The following TTC28 variants were observed in gnomAD, a reference collection of about 807,000 sequenced individuals.
TTC28 encodes the protein tetratricopeptide repeat domain 28.
In TTC28, 61 loss-of-function variants were observed where a neutral mutation model predicts 198.0. That is an observed-to-expected ratio of 0.31 (90% CI 0.25 to 0.38). The LOEUF (loss-of-function observed/expected upper bound fraction) is 0.38, where lower values mean the gene tolerates loss of function less well. Among genes scored for constraint, TTC28 ranks in the 10% least tolerant of loss-of-function variants. The pLI, the probability that TTC28 is intolerant of heterozygous loss-of-function variation, is 1.00. For synonymous variants in TTC28, 1,171 were observed against 1,297.8 expected, an observed-to-expected ratio of 0.90 and a Z score of 2.10; for missense variants, 2,678 against 3,164.0, an observed-to-expected ratio of 0.85 and a Z score of 3.69.
At chr22:28,294,856 C>T (rs971780777) in intron 5 of TTC28, among the ~76,000 whole-genome samples, 1 of 152,104 alleles carries the variant, frequency 6.6e-6, no homozygotes, top group African/African-American at 2.4e-5. Context: ...CGTGAGCCAC[C>T]GTGCCTGGCC....
At chr22:28,556,911 G>A (rs1008659162) in intron 2 of TTC28, among the ~76,000 whole-genome samples, 2 of 152,196 alleles carry the variant, frequency 1.3e-5, no homozygotes, top group African/African-American at 4.8e-5. Context: ...ACAACATGGT[G>A]ATTGGCTTCA....
In TTC28 at chr22:27,980,949, A is replaced by C. The variant is rs1936990871; in HGVS notation, c.*1272T>G. 6.6e-6 allele frequency: 1 copy of C among 152,316 alleles called. No homozygotes were observed. Among genetic ancestry groups the C allele is most frequent in the African/African-American group, 2.4e-5 (1 of 41,450 alleles). 9.4% of individuals were successfully genotyped at this position (152,316 alleles called of 1,614,324 possible). ...CCATAATCCAGGCATACGTCCCAGC[A>C]AAAGGCCCTGTTGCTTAGGATCTGT... On this transcript the variant is annotated 3_prime_UTR_variant, in exon 23 of 23. Coordinates refer to ENST00000397906, the MANE Select transcript of TTC28 (RefSeq NM_001145418.2).
intron 2 of TTC28, among the ~76,000 whole-genome samples, chr22:28,452,188 G>C (rs894386232): frequency 6.6e-6 from 1 of 151,998 alleles, no homozygotes; most frequent in African/African-American, 2.4e-5. Flanking sequence ...AGGAGATCCA[G>C]ACCATCCTGG....
At chr22:28,502,448 G>T (rs557434303) in intron 2 of TTC28, among the ~76,000 whole-genome samples, 1 of 151,278 alleles carries the variant, frequency 6.6e-6, no homozygotes, top group South Asian at 2.1e-4. Flanking sequence ...AGACCATCCT[G>T]GCTAACACGG....
chr22:28,592,819 T>C (rs188174739), intron 2 of TTC28, among the ~76,000 whole-genome samples: 12 of 152,310 alleles, frequency 7.9e-5, no homozygotes, highest in Admixed American at 3.3e-4. Context: ...CCTACCCTTT[T>C]CTTAGAGCAC....
At chr22:28,332,854 C>T (rs1205012576) in intron 2 of TTC28, among the ~76,000 whole-genome samples, 1 of 152,052 alleles carries the variant, frequency 6.6e-6, no homozygotes, top group Non-Finnish European at 1.5e-5. Context: ...GGTCAATAAG[C>T]TCTGAACCTT....
intron 5 of TTC28, among the ~76,000 whole-genome samples, chr22:28,256,777 T>C (rs1350779437): frequency 6.6e-6 from 1 of 152,196 alleles, no homozygotes; most frequent in African/African-American, 2.4e-5. Context: ...TAATGGCCCA[T>C]GCCGTAATCT....
intron 2 of TTC28, among the ~76,000 whole-genome samples, chr22:28,584,785 G>C (rs1050841397): frequency 2.0e-5 from 3 of 152,126 alleles, no homozygotes; most frequent in African/African-American, 7.2e-5. Flanking sequence ...TTAGAAACCT[G>C]TTTACATTTA....
rs542535054 is a variant in TTC28 at position 28,439,991 on chromosome 22, C to A, written c.382-133348G>T. 2.0e-5 allele frequency among the ~76,000 whole-genome samples: 3 copies of A among 152,114 alleles called. No homozygotes were observed. In the East Asian group the frequency reaches 5.8e-4, roughly 29 times the overall value. ...GCTGGGATTACAGGCACCGTCACTA[C>A]GACTGGCTAATTTTTTGTATGTTTA... On this transcript the variant is annotated intron_variant, in intron 2 of 22. Transcript: ENST00000397906.
intron 2 of TTC28, among the ~76,000 whole-genome samples, chr22:28,599,024 CA>C (rs2050593109): frequency 6.6e-6 from 1 of 152,094 alleles, no homozygotes; most frequent in Non-Finnish European, 1.5e-5. Flanking sequence ...ACATCAAAAT[CA>C]AGAATAAAAC....
At position 28,590,061 on chromosome 22, in the gene TTC28, A is replaced by AAAAAAAAAAAAAC. The variant is rs1555898135; in HGVS notation, c.381+39490_381+39491insGTTTTTTTTTTTT. On this transcript the variant is annotated intron_variant, in intron 2 of 22. Coordinates refer to ENST00000397906, the MANE Select transcript of TTC28 (RefSeq NM_001145418.2). Reference sequence around the variant, plus strand: ...AAAAAAAAAAAAAAAAAAAAAAAAAAACACAGAAAACCTGAAACTATAACT... The same window carrying AAAAAAAAAAAAAC: ...AAAAAAAAAAAAAAAAAAAAAAAAAAAAAAAAAAAAAACACACAGAAAACCTGAAACTATAACT... Among the ~76,000 whole-genome samples, 43 of 142,368 alleles carry AAAAAAAAAAAAAC rather than the reference A, an allele frequency of 3.0e-4. 1 individual carries two copies. Among genetic ancestry groups the AAAAAAAAAAAAAC allele is most frequent in the Non-Finnish European group, 6.1e-4 (39 of 64,156 alleles). The allele number at this position is 142,368 out of a possible 152,430, so 93.4% of individuals were successfully genotyped here. A position where few individuals can be genotyped will look rare whatever the true frequency, so the allele number is the denominator to read the frequency against.
intron 2 of TTC28, among the ~76,000 whole-genome samples, chr22:28,498,580 G>A (rs928287736): frequency 5.9e-5 from 9 of 152,056 alleles, no homozygotes; most frequent in Non-Finnish European, 1.3e-4. Flanking sequence ...TCACCGAAAG[G>A]GGCTCCCTTG....
chr22:28,077,386 G>A (rs1941203092), intron 12 of TTC28, among the ~76,000 whole-genome samples: 1 of 152,136 alleles, frequency 6.6e-6, no homozygotes, highest in Admixed American at 6.6e-5. Flanking sequence ...AAACTCCTGG[G>A]CTCAAGTGAT....
intron 2 of TTC28, among the ~76,000 whole-genome samples, chr22:28,496,946 T>C (rs142919630): frequency 2.6e-5 from 4 of 152,144 alleles, no homozygotes; most frequent in Non-Finnish European, 5.9e-5. Context: ...ATTGCACTTA[T>C]GAATCCCACT....
intron 12 of TTC28, among the ~76,000 whole-genome samples, chr22:28,050,661 C>T (rs1940054083): frequency 6.6e-6 from 1 of 152,018 alleles, no homozygotes. Flanking sequence ...ATTTTTGTTT[C>T]CTACACATGC....
chr22:28,546,956 G>A (rs1017674318), intron 2 of TTC28, among the ~76,000 whole-genome samples: 5 of 152,152 alleles, frequency 3.3e-5, no homozygotes, highest in African/African-American at 1.2e-4. Flanking sequence ...GCAGGTCAGT[G>A]TTTGCCTCAG....
chr22:28,231,410 G>C (rs1243110367), intron 5 of TTC28, among the ~76,000 whole-genome samples: 1 of 152,146 alleles, frequency 6.6e-6, no homozygotes, highest in Admixed American at 6.5e-5. Context: ...CACAAGGCAG[G>C]GGATTGAGCC....
chr22:28,080,651 A>G (rs1941315715), intron 12 of TTC28, among the ~76,000 whole-genome samples: 1 of 152,106 alleles, frequency 6.6e-6, no homozygotes, highest in Non-Finnish European at 1.5e-5. Flanking sequence ...CAAAATGTTA[A>G]TTATTTCCTT....
chr22:28,039,578 G>C (rs1165040419), intron 12 of TTC28, among the ~76,000 whole-genome samples: 1 of 152,138 alleles, frequency 6.6e-6, no homozygotes, highest in Non-Finnish European at 1.5e-5. Flanking sequence ...TAAATGACGA[G>C]TTAATGGGTG....
Sources: allele counts gnomAD v4.1 joint callset (sites outside exome capture counted in the v4.1 genomes callset), GRCh38; gene constraint gnomAD v4.1.1; transcripts MANE v1.5; gene names NCBI Gene and HGNC (gene_info 2026-07-23, HGNC 2026-07-21).